LANCL3: variants seen among roughly 807,000 people sequenced by gnomAD.
LANCL3 encodes lanC-like protein 3.
In LANCL3, 19 loss-of-function variants were observed where a neutral mutation model predicts 26.5. That is an observed-to-expected ratio of 0.72 (90% CI 0.50 to 1.05). The LOEUF is 1.05. Ranked by LOEUF, LANCL3 falls within the 50% of genes least tolerant of loss-of-function variation. The pLI, the probability that LANCL3 is intolerant of heterozygous loss-of-function variation, is 0.00. For synonymous variants in LANCL3, 160 were observed against 166.6 expected (o/e 0.96, Z 0.30); for missense variants, 318 against 362.7 (o/e 0.88, Z 1.00).
chrX:37,571,733 C>T lies in LANCL3; in HGVS notation c.-138C>T, dbSNP rs1923576628. The T allele has an allele frequency of 2.0e-6, 1 of 489,084 alleles. No individual in the cohort carries two copies. Among genetic ancestry groups the T allele is most frequent in the Non-Finnish European group, 3.3e-6 (1 of 305,289 alleles). The allele number at this position is 489,084 out of a possible 1,213,427, so 40.3% of individuals were successfully genotyped here. A position where few individuals can be genotyped will look rare whatever the true frequency, so the allele number is the denominator to read the frequency against. ...CTTGCCCGCCTCCTCTTGTCACCTC[C>T]CGTCTCATCCTTCTCGCTCCTTCCC... On this transcript the variant is annotated 5_prime_UTR_variant, in exon 1 of 5. Coordinates refer to ENST00000378619, the MANE Select transcript of LANCL3 (RefSeq NM_001170331.2).
rs1927002751 is a variant in LANCL3, at chrX:37,684,177, G to A, written c.*8364G>A. The A allele has an allele frequency of 8.9e-6, 1 of 112,137 alleles. No individual in the cohort carries two copies. The highest frequency in any genetic ancestry group is 3.2e-5 in the African/African-American group (1 of 30,836). The allele number at this position is 112,137 out of a possible 1,213,427, so 9.2% of individuals were successfully genotyped here. A position where few individuals can be genotyped will look rare whatever the true frequency, so the allele number is the denominator to read the frequency against. ...GAGTTTGCTCACAGCCCACTGCATG[G>A]TATAATGAAATCTCTATAAGCAAGA... On this transcript the variant is annotated 3_prime_UTR_variant, in exon 5 of 5. Coordinates refer to ENST00000378619, the MANE Select transcript of LANCL3 (RefSeq NM_001170331.2).
At chrX:37,639,174 TC>T (rs1248661847) in intron 1 of LANCL3, among the ~76,000 whole-genome samples, 4 of 103,584 alleles carry the variant, frequency 3.9e-5, no homozygotes, top group African/African-American at 1.4e-4. Flanking sequence ...TATATATATA[TC>T]CATATATACA....
At chrX:37,593,768 A>G (rs1556419239) in intron 1 of LANCL3, among the ~76,000 whole-genome samples, 3 of 112,308 alleles carry the variant, frequency 2.7e-5, no homozygotes, top group African/African-American at 9.7e-5. Context: ...TTCCTGCTCA[A>G]TGATTAAACA....
At chrX:37,633,790 G>GT (rs1210090317) in intron 1 of LANCL3, among the ~76,000 whole-genome samples, 1 of 111,636 alleles carries the variant, frequency 9.0e-6, no homozygotes, top group Non-Finnish European at 1.9e-5. Flanking sequence ...TCCTCTGGAA[G>GT]TTTTGTCTCA....
At chrX:37,624,781 ATAAG>A (rs1460460785) in intron 1 of LANCL3, among the ~76,000 whole-genome samples, 11 of 111,543 alleles carry the variant, frequency 9.9e-5, no homozygotes. Flanking sequence ...GTTCTGAGGA[ATAAG>A]AGGTCATACC....
intron 1 of LANCL3, among the ~76,000 whole-genome samples, chrX:37,618,160 T>G (rs781925242): frequency 4.5e-5 from 5 of 112,241 alleles, no homozygotes; most frequent in African/African-American, 1.6e-4. Context: ...TCAAGGTCCC[T>G]CATTTGGCCC....
At chrX:37,632,734 A>C (rs1454701917) in intron 1 of LANCL3, among the ~76,000 whole-genome samples, 1 of 111,122 alleles carries the variant, frequency 9.0e-6, no homozygotes, top group Non-Finnish European at 1.9e-5. Flanking sequence ...GCTGGATATG[A>C]AATTCTGGGT....
At chrX:37,662,725 AG>A (rs1176977706) in intron 3 of LANCL3, among the ~76,000 whole-genome samples, 2 of 111,478 alleles carry the variant, frequency 1.8e-5, no homozygotes, top group African/African-American at 3.3e-5. Flanking sequence ...TTACTGACTC[AG>A]GCTTCTTATC....
At chrX:37,581,849 G>A (rs1923903077) in intron 1 of LANCL3, among the ~76,000 whole-genome samples, 1 of 111,143 alleles carries the variant, frequency 9.0e-6, no homozygotes, top group Non-Finnish European at 1.9e-5. Context: ...TGTTACATAT[G>A]TATATACGTG....
At chrX:37,604,886 A>G (rs916993145) in intron 1 of LANCL3, among the ~76,000 whole-genome samples, 1 of 112,782 alleles carries the variant, frequency 8.9e-6, no homozygotes, top group African/African-American at 3.2e-5. Flanking sequence ...TCATTGATGC[A>G]GAGAGGGAAA....
chrX:37,677,138 A>ATATGTGTGTG lies in LANCL3; in HGVS notation c.*1326_*1327insATGTGTGTGT, dbSNP rs879992565. On this transcript the variant is annotated 3_prime_UTR_variant, in exon 5 of 5. Coordinates refer to ENST00000378619, the MANE Select transcript of LANCL3 (RefSeq NM_001170331.2). ...TAGTCATTAAATATTTGGATATATT[A>ATATGTGTGTG]TGTGTGTGTGTGTGTGTGTGTGTGT... 2.0e-5 allele frequency: 2 copies of ATATGTGTGTG among 99,465 alleles called. No individual in the cohort carries two copies. The highest frequency in any genetic ancestry group is 4.0e-5 in the Non-Finnish European group (2 of 49,474). 8.2% of individuals were successfully genotyped at this position (99,465 alleles called of 1,213,427 possible). A position where few individuals can be genotyped will look rare whatever the true frequency, so the allele number is the denominator to read the frequency against.
chrX:37,661,494 T>C (rs1926421664), intron 3 of LANCL3, among the ~76,000 whole-genome samples: 1 of 111,099 alleles, frequency 9.0e-6, no homozygotes. Flanking sequence ...AATTCAAAAA[T>C]GAATAAAAAA....
At chrX:37,585,558 C>A (rs1243726146) in intron 1 of LANCL3, among the ~76,000 whole-genome samples, 2 of 111,998 alleles carry the variant, frequency 1.8e-5, no homozygotes, top group East Asian at 2.8e-4. Context: ...TAATGCCTTT[C>A]TTTGTCTCTT....
At chrX:37,597,075 T>C (rs1276086409) in intron 1 of LANCL3, among the ~76,000 whole-genome samples, 2 of 112,261 alleles carry the variant, frequency 1.8e-5, no homozygotes, top group Non-Finnish European at 1.9e-5. Context: ...TTAATACAAA[T>C]GGAATAATAT....
chrX:37,614,260 G>A (rs1202617170), intron 1 of LANCL3, among the ~76,000 whole-genome samples: 3 of 111,327 alleles, frequency 2.7e-5, no homozygotes, highest in Non-Finnish European at 3.8e-5. Flanking sequence ...CTTGGGGAAC[G>A]TAAAAAAAAT....
chrX:37,609,773 G>T (rs1556420915), intron 1 of LANCL3, among the ~76,000 whole-genome samples: 1 of 111,518 alleles, frequency 9.0e-6, no homozygotes, highest in Non-Finnish European at 1.9e-5. Flanking sequence ...GAAAGCTCTT[G>T]CAGTTGGTGA....
chrX:37,627,732 C>T (rs1925357507), intron 1 of LANCL3, among the ~76,000 whole-genome samples: 1 of 111,966 alleles, frequency 8.9e-6, no homozygotes, highest in Admixed American at 9.4e-5. Context: ...CAGCTTACTC[C>T]TGTATTCCAC....
intron 1 of LANCL3, among the ~76,000 whole-genome samples, chrX:37,634,398 T>G (rs947474287): frequency 1.8e-5 from 2 of 113,195 alleles, no homozygotes; most frequent in South Asian, 3.6e-4. Flanking sequence ...GCTTCCTGAG[T>G]GAGGCAATGC....
At chrX:37,575,356 T>A (rs1923718687) in intron 1 of LANCL3, among the ~76,000 whole-genome samples, 1 of 111,846 alleles carries the variant, frequency 8.9e-6, no homozygotes, top group South Asian at 3.8e-4. Context: ...CTTCGCTGAT[T>A]AGAATGTAAG....
Sources: allele counts gnomAD v4.1 joint callset (sites outside exome capture counted in the v4.1 genomes callset), GRCh38; gene constraint gnomAD v4.1.1; transcripts MANE v1.5; gene names NCBI Gene and HGNC (gene_info 2026-07-23, HGNC 2026-07-21).